PELI2: variants seen among roughly 807,000 people sequenced by gnomAD.
PELI2 encodes E3 ubiquitin-protein ligase pellino homolog 2.
PELI2 carries 23 observed loss-of-function variants against 42.3 expected under a neutral mutation model. The observed-to-expected ratio is 0.54, with a 90% confidence interval of 0.39 to 0.77. PELI2 has a LOEUF of 0.77. Ranked by LOEUF, PELI2 falls within the 30% of genes least tolerant of loss-of-function variation. PELI2 has a pLI of 0.00. For synonymous variants in PELI2, 245 were observed against 212.2 expected (o/e 1.15, Z -1.34); for missense variants, 463 against 553.2 (o/e 0.84, Z 1.64).
intron 2 of PELI2, among the ~76,000 whole-genome samples, chr14:56,241,487 A>G (rs975456093): frequency 2.0e-5 from 3 of 152,146 alleles, no homozygotes; most frequent in East Asian, 1.9e-4. Flanking sequence ...TTTGCCTTTT[A>G]TTCTACCTGT....
At chr14:56,250,227 A>G (rs901857975) in intron 2 of PELI2, among the ~76,000 whole-genome samples, 9 of 152,182 alleles carry the variant, frequency 5.9e-5, no homozygotes, top group Admixed American at 1.3e-4. Flanking sequence ...CACACTGGAA[A>G]CATTTCTATT....
chr14:56,233,193 G>A (rs1213500409), intron 2 of PELI2, among the ~76,000 whole-genome samples: 3 of 152,152 alleles, frequency 2.0e-5, no homozygotes, highest in African/African-American at 7.2e-5. Context: ...GTAATTTATA[G>A]ATTCAATGCC....
intron 2 of PELI2, among the ~76,000 whole-genome samples, chr14:56,256,244 A>G (rs1888523293): frequency 6.6e-6 from 1 of 152,108 alleles, no homozygotes; most frequent in East Asian, 1.9e-4. Flanking sequence ...CCTGGACAAC[A>G]TAGTGAGACC....
chr14:56,249,636 A>G (rs1888276162), intron 2 of PELI2, among the ~76,000 whole-genome samples: 1 of 152,184 alleles, frequency 6.6e-6, no homozygotes, highest in African/African-American at 2.4e-5. Context: ...TGAACAAGGA[A>G]GGGCTTGTGT....
chr14:56,274,648 A>G (rs985614579), intron 2 of PELI2, among the ~76,000 whole-genome samples: 1 of 152,198 alleles, frequency 6.6e-6, no homozygotes, highest in African/African-American at 2.4e-5. Context: ...CCCTGACATT[A>G]GTTTTGAGTT....
intron 1 of PELI2, among the ~76,000 whole-genome samples, chr14:56,143,937 T>C (rs1431367746): frequency 6.6e-6 from 1 of 152,238 alleles, no homozygotes; most frequent in Non-Finnish European, 1.5e-5. Context: ...ATTGAACTCA[T>C]TGCTACTGGA....
At chr14:56,206,609 G>A (rs1886527205) in intron 2 of PELI2, among the ~76,000 whole-genome samples, 1 of 152,178 alleles carries the variant, frequency 6.6e-6, no homozygotes, top group Non-Finnish European at 1.5e-5. Flanking sequence ...CAATCAGAGT[G>A]GTTTCCCTTC....
intron 1 of PELI2, among the ~76,000 whole-genome samples, chr14:56,145,618 C>T (rs768496153): frequency 1.3e-5 from 2 of 152,092 alleles, no homozygotes; most frequent in Non-Finnish European, 2.9e-5. Flanking sequence ...ATAGATTAGC[C>T]GAGGGCATTA....
intron 2 of PELI2, among the ~76,000 whole-genome samples, chr14:56,264,321 C>G (rs1477945640): frequency 6.6e-6 from 1 of 152,172 alleles, no homozygotes; most frequent in African/African-American, 2.4e-5. Context: ...TGCAAGAACA[C>G]TGATGTACCG....
At chr14:56,137,437 ACAG>A (rs904520102) in intron 1 of PELI2, among the ~76,000 whole-genome samples, 2 of 152,180 alleles carry the variant, frequency 1.3e-5, no homozygotes, top group African/African-American at 4.8e-5. Flanking sequence ...CATTGCCAAA[ACAG>A]CAGACTTTTT....
chr14:56,141,813 A>G (rs1174893019), intron 1 of PELI2, among the ~76,000 whole-genome samples: 2 of 152,188 alleles, frequency 1.3e-5, no homozygotes, highest in South Asian at 2.1e-4. Flanking sequence ...TTACGGTTCA[A>G]GGTGAGATTT....
At position 56,296,710 on chromosome 14, in the gene PELI2, C is replaced by T; in HGVS notation, c.807C>T (p.His269=). ...DGLFHTPTQK[H]IEALRQEINA... is the part of the protein sequence containing the mutation. ...TTTTTCATACTCCAACTCAGAAGCA[C>T]ATAGAAGCCCTCCGGCAGGAGATTA... The change falls in exon 6 of 6, where the codon CAC becomes CAT. Residue 269 remains histidine (H), a synonymous_variant. Transcript: ENST00000267460. The T allele has an allele frequency of 1.9e-6, 3 of 1,614,180 alleles. No individual in the cohort carries two copies. The highest frequency in any genetic ancestry group is 1.1e-5 in the South Asian group (1 of 91,080).
At chr14:56,287,466 G>A (rs999913533) in intron 3 of PELI2, among the ~76,000 whole-genome samples, 1 of 152,152 alleles carries the variant, frequency 6.6e-6, no homozygotes, top group African/African-American at 2.4e-5. Flanking sequence ...GCTTTAGAAG[G>A]ATGAATTATA....
chr14:56,178,268 C>A, intron 1 of PELI2, 67 bp from the exon 2 acceptor site: 1 of 1,544,206 alleles, frequency 6.5e-7, no homozygotes, highest in Admixed American at 1.7e-5. Flanking sequence ...TATTCAATAC[C>A]TCTAACTTTT....
intron 1 of PELI2, among the ~76,000 whole-genome samples, chr14:56,174,438 C>T (rs1219597642): frequency 6.6e-6 from 1 of 152,148 alleles, no homozygotes; most frequent in Non-Finnish European, 1.5e-5. Flanking sequence ...AAGCCATAAC[C>T]CTTAGGGAGT....
chr14:56,231,114 T>C (rs914405136), intron 2 of PELI2, among the ~76,000 whole-genome samples: 12 of 152,158 alleles, frequency 7.9e-5, no homozygotes, highest in African/African-American at 2.2e-4. Flanking sequence ...AGCAAGTCTT[T>C]AGAGACCTAC....
chr14:56,181,069 C>G (rs1246069145), intron 2 of PELI2, among the ~76,000 whole-genome samples: 1 of 152,172 alleles, frequency 6.6e-6, no homozygotes, highest in Non-Finnish European at 1.5e-5. Context: ...CTTTCAGTTT[C>G]TTTGCCACTT....
At chr14:56,232,595 A>C (rs1234658719) in intron 2 of PELI2, among the ~76,000 whole-genome samples, 1 of 151,982 alleles carries the variant, frequency 6.6e-6, no homozygotes, top group Non-Finnish European at 1.5e-5. Context: ...ACTAGGTATC[A>C]ACGGGACATA....
chr14:56,123,310 C>A (rs975837625), intron 1 of PELI2, among the ~76,000 whole-genome samples: 1 of 152,048 alleles, frequency 6.6e-6, no homozygotes, highest in African/African-American at 2.4e-5. Flanking sequence ...AACACTTTTC[C>A]TTTTCTCATC....
Sources: gnomAD v4.1 joint callset for allele counts (sites outside exome capture counted in the v4.1 genomes callset) on GRCh38, gnomAD v4.1.1 for gene constraint, MANE v1.5 for transcripts, NCBI Gene and HGNC (gene_info 2026-07-23, HGNC 2026-07-21) for gene names.